FTO: variants seen among roughly 807,000 people sequenced by gnomAD.
The protein encoded by FTO is alpha-ketoglutarate-dependent dioxygenase FTO.
In FTO, 47 loss-of-function variants were observed where a neutral mutation model predicts 63.9. The ratio of observed to expected loss-of-function variants is 0.74; its 90% confidence interval spans 0.58 to 0.94. The LOEUF is 0.94. Ranked by LOEUF, FTO falls within the 40% of genes least tolerant of loss-of-function variation. FTO has a pLI of 0.00. For synonymous variants in FTO, 207 were observed against 224.4 expected (o/e 0.92, Z 0.69); for missense variants, 562 against 618.1 (o/e 0.91, Z 0.96).
In FTO at chr16:53,826,434, C is replaced by A; in HGVS notation, c.694C>A (p.His232Asn). 2 of 1,614,106 alleles carry A rather than the reference C, an allele frequency of 1.2e-6. No individual in the cohort carries two copies. Among genetic ancestry groups the A allele is most frequent in the Non-Finnish European group, 1.7e-6 (2 of 1,179,998 alleles). The change falls in exon 3 of 9, where the codon CAT becomes AAT. Residue 232 changes from histidine to asparagine, a missense_variant. By Grantham distance (68) the His-to-Asn change is moderately conservative. Coordinates refer to ENST00000471389, the MANE Select transcript of FTO (RefSeq NM_001080432.3). ...GMGKMAVSWHHDENLVDRSAV... is the reference protein window; with the variant it reads ...GMGKMAVSWHNDENLVDRSAV... ...GGGGAAAATGGCAGTGAGCTGGCAT[C>A]ATGATGAAAATCTGGTGGACAGGTC...
At chr16:54,001,049 C>T (rs1320406690) in intron 8 of FTO, among the ~76,000 whole-genome samples, 1 of 152,144 alleles carries the variant, frequency 6.6e-6, no homozygotes, top group Non-Finnish European at 1.5e-5. Context: ...TTTGGCTATT[C>T]CAAGACCTTT....
At chr16:53,903,185 AG>A (rs1443886072) in intron 7 of FTO, among the ~76,000 whole-genome samples, 1 of 152,036 alleles carries the variant, frequency 6.6e-6, no homozygotes, top group Non-Finnish European at 1.5e-5. Flanking sequence ...TCAATCCTCC[AG>A]CCACTCATTC....
intron 8 of FTO, among the ~76,000 whole-genome samples, chr16:54,042,016 C>A (rs1337841475): frequency 1.3e-5 from 2 of 152,156 alleles, no homozygotes; most frequent in Non-Finnish European, 2.9e-5. Context: ...AAATGTAGAA[C>A]CTGGCTGTGA....
At chr16:53,793,267 C>G (rs9931494) in intron 1 of FTO, among the ~76,000 whole-genome samples, 51,099 of 151,992 alleles carry the variant, frequency 0.34, 9,547 homozygotes, top group Non-Finnish European at 0.42. Flanking sequence ...ACTCCCTAAT[C>G]TTTATTTCTT....
chr16:54,002,485 G>A (rs2084091540), intron 8 of FTO, among the ~76,000 whole-genome samples: 1 of 152,222 alleles, frequency 6.6e-6, no homozygotes, highest in African/African-American at 2.4e-5. Flanking sequence ...GGAAGTGTTT[G>A]CAGGTTACCT....
chr16:53,935,085 G>A (rs1160300443), intron 8 of FTO, among the ~76,000 whole-genome samples: 12 of 152,092 alleles, frequency 7.9e-5, no homozygotes, highest in East Asian at 1.9e-4. Context: ...ACTAGTTCTC[G>A]CAAATGTTAG....
At chr16:54,055,762 G>C (rs572488457) in intron 8 of FTO, among the ~76,000 whole-genome samples, 32 of 152,290 alleles carry the variant, frequency 2.1e-4, no homozygotes, top group Middle Eastern at 6.8e-3. Flanking sequence ...GACACAGGAA[G>C]GTTTTGTTTG....
intron 8 of FTO, chr16:53,993,303 A>G (rs1472069557): frequency 3.9e-5 from 6 of 152,246 alleles, no homozygotes; most frequent in Non-Finnish European, 8.8e-5. Context: ...GAGGATTCTA[A>G]TTTAAAAATA....
chr16:54,058,485 G>C (rs902620353), intron 8 of FTO, among the ~76,000 whole-genome samples: 1 of 152,178 alleles, frequency 6.6e-6, no homozygotes, highest in Non-Finnish European at 1.5e-5. Flanking sequence ...TTACCCTCCA[G>C]AGTGGGGCTC....
intron 4 of FTO, among the ~76,000 whole-genome samples, chr16:53,844,790 G>T (rs986826489): frequency 6.6e-6 from 1 of 152,074 alleles, no homozygotes; most frequent in Admixed American, 6.6e-5. Flanking sequence ...CTACATAGAT[G>T]CAGAGTTCCT....
rs2087002977 is a variant in FTO at position 54,121,208 on chromosome 16, TG to T, written c.*9294del. 6.6e-6 allele frequency: 1 copy of T among 152,236 alleles called. No homozygotes were observed. The highest frequency in any genetic ancestry group is 2.1e-4 in the South Asian group (1 of 4,838). The allele number at this position is 152,236 out of a possible 1,614,324, so 9.4% of individuals were successfully genotyped here. ...CTGACCCTTCATAGAAAAATTTTGCTGAACTGTAGTCTAGCTCCAAGGATTG... is the reference window on the plus strand; with the variant it reads ...CTGACCCTTCATAGAAAAATTTTGCTAACTGTAGTCTAGCTCCAAGGATTG... On this transcript the variant is annotated 3_prime_UTR_variant, in exon 9 of 9. Transcript: ENST00000471389.
intron 3 of FTO, among the ~76,000 whole-genome samples, chr16:53,834,579 GAACAT>G (rs1465268846): frequency 1.3e-5 from 2 of 152,140 alleles, no homozygotes; most frequent in African/African-American, 4.8e-5. Context: ...AAAGTGCCAA[GAACAT>G]AACAGCAGTA....
At chr16:53,867,877 T>C (rs967674180) in intron 4 of FTO, among the ~76,000 whole-genome samples, 8 of 152,218 alleles carry the variant, frequency 5.3e-5, no homozygotes, top group African/African-American at 1.4e-4. Context: ...TTTGATGCTC[T>C]ACTATTAGGT....
chr16:54,008,831 A>G lies in FTO; in HGVS notation c.1364+74722A>G, dbSNP rs1399161939. On this transcript the variant is annotated intron_variant, in intron 8 of 8. Transcript: ENST00000471389. The stretch of plus-strand genomic sequence containing the variant: ...AATAATAATAATAATAATAATAATA[A>G]TAATAATAATAATAATAATAATAAT... Among the ~76,000 whole-genome samples, 8 of 112,424 alleles carry G rather than the reference A, an allele frequency of 7.1e-5. No individual in the cohort carries two copies. The South Asian group carries it at 1.1e-3, about 15-fold the overall frequency. 73.8% of individuals were successfully genotyped at this position (112,424 alleles called of 152,430 possible). A position where few individuals can be genotyped will look rare whatever the true frequency, so the allele number is the denominator to read the frequency against.
intron 1 of FTO, among the ~76,000 whole-genome samples, chr16:53,723,475 G>A (rs1185121777): frequency 6.6e-5 from 10 of 152,144 alleles, no homozygotes; most frequent in South Asian, 2.1e-4. Context: ...GGAGGAAAAC[G>A]GGTCACCTGG....
At chr16:53,789,358 CTT>C (rs1367836251) in intron 1 of FTO, among the ~76,000 whole-genome samples, 3 of 152,168 alleles carry the variant, frequency 2.0e-5, no homozygotes, top group Non-Finnish European at 2.9e-5. Flanking sequence ...CTGTAAGTCT[CTT>C]TGTGGTTTAG....
intron 8 of FTO, among the ~76,000 whole-genome samples, chr16:54,059,504 T>C (rs1446714420): frequency 2.0e-5 from 3 of 152,116 alleles, no homozygotes; most frequent in Non-Finnish European, 4.4e-5. Context: ...ATTTTTGACT[T>C]GGAGGGGTCA....
At chr16:53,831,281 CT>C (rs558495983) in intron 3 of FTO, among the ~76,000 whole-genome samples, 2 of 151,984 alleles carry the variant, frequency 1.3e-5, no homozygotes, top group South Asian at 2.1e-4. Flanking sequence ...TTTGACCTAG[CT>C]TTTTTTTATT....
chr16:53,766,308 C>CT (rs1365127378), intron 1 of FTO, among the ~76,000 whole-genome samples: 1 of 152,138 alleles, frequency 6.6e-6, no homozygotes, highest in Non-Finnish European at 1.5e-5. Flanking sequence ...TCACTGCAGC[C>CT]TTGACCTCCC....
Sources: allele counts gnomAD v4.1 joint callset (sites outside exome capture counted in the v4.1 genomes callset), GRCh38; gene constraint gnomAD v4.1.1; transcripts MANE v1.5; gene names NCBI Gene and HGNC (gene_info 2026-07-23, HGNC 2026-07-21).